EXOC4: variants seen among roughly 807,000 people sequenced by gnomAD.
The protein encoded by EXOC4 is exocyst complex component 4.
A neutral mutation model predicts 107.2 loss-of-function variants in EXOC4; 71 were observed. The observed-to-expected ratio is 0.66, with a 90% CI of 0.55 to 0.81. EXOC4 has a LOEUF of 0.81. Ranked by LOEUF, EXOC4 falls within the 30% of genes least tolerant of loss-of-function variation. EXOC4 has a pLI of 0.00. For synonymous variants in EXOC4, 456 were observed against 441.2 expected, an observed-to-expected ratio of 1.03 and a Z score of -0.42; for missense variants, 1,108 against 1,189.6, an observed-to-expected ratio of 0.93 and a Z score of 1.01.
chr7:133,454,935 C>CA (rs1185122136), intron 7 of EXOC4, among the ~76,000 whole-genome samples: 1 of 151,918 alleles, frequency 6.6e-6, no homozygotes, highest in Non-Finnish European at 1.5e-5. Flanking sequence ...CCTATCTCTA[C>CA]AAAAAATATA....
chr7:133,499,179 A>G (rs555802525), intron 9 of EXOC4, among the ~76,000 whole-genome samples: 6 of 151,242 alleles, frequency 4.0e-5, no homozygotes, highest in Admixed American at 2.0e-4. Flanking sequence ...CATACTTACA[A>G]TTATTCAGTT....
chr7:133,401,984 A>G (rs1370016668), intron 7 of EXOC4, among the ~76,000 whole-genome samples: 1 of 152,172 alleles, frequency 6.6e-6, no homozygotes, highest in Non-Finnish European at 1.5e-5. Context: ...GTGGGCAGAA[A>G]ATTAGCTAAT....
intron 10 of EXOC4, among the ~76,000 whole-genome samples, chr7:133,769,984 A>C (rs1370498418): frequency 1.3e-5 from 2 of 151,846 alleles, no homozygotes; most frequent in Non-Finnish European, 2.9e-5. Context: ...AAACATCATG[A>C]AAGTAATCAA....
intron 14 of EXOC4, among the ~76,000 whole-genome samples, chr7:133,952,130 C>T (rs1029260493): frequency 2.7e-5 from 4 of 150,664 alleles, no homozygotes; most frequent in Non-Finnish European, 5.9e-5. Context: ...CACTCCAGCC[C>T]GAGCTGACAA....
chr7:133,255,835 G>T (rs370970056), intron 1 of EXOC4, among the ~76,000 whole-genome samples: 1 of 152,204 alleles, frequency 6.6e-6, no homozygotes. Context: ...ATGGGGAATG[G>T]GGGGAGAGTC....
chr7:133,434,260 G>A (rs1166310454), intron 7 of EXOC4, among the ~76,000 whole-genome samples: 6 of 151,998 alleles, frequency 3.9e-5, no homozygotes, highest in Admixed American at 1.3e-4. Flanking sequence ...GTTACCCTCA[G>A]CACTACTTTT....
intron 11 of EXOC4, among the ~76,000 whole-genome samples, chr7:133,875,095 C>G (rs897282980): frequency 2.0e-5 from 3 of 152,144 alleles, no homozygotes; most frequent in African/African-American, 7.2e-5. Context: ...CATTTCAGAC[C>G]ACCTCTGGTG....
At chr7:133,744,275 A>G (rs537903629) in intron 10 of EXOC4, among the ~76,000 whole-genome samples, 5 of 152,120 alleles carry the variant, frequency 3.3e-5, no homozygotes, top group Non-Finnish European at 7.4e-5. Flanking sequence ...CAGGAAATAT[A>G]GCAAACTCTT....
chr7:133,488,127 T>G (rs1038348110), intron 9 of EXOC4, among the ~76,000 whole-genome samples: 1 of 152,122 alleles, frequency 6.6e-6, no homozygotes, highest in Non-Finnish European at 1.5e-5. Context: ...GTTTGGATCC[T>G]TTTAGGAATA....
chr7:133,254,791 G>A (rs1017321005), intron 1 of EXOC4, among the ~76,000 whole-genome samples: 2 of 152,112 alleles, frequency 1.3e-5, no homozygotes, highest in African/African-American at 4.8e-5. Context: ...AATCCAGGAG[G>A]AGTGGCTGTT....
intron 10 of EXOC4, among the ~76,000 whole-genome samples, chr7:133,631,978 A>G (rs1254580636): frequency 6.6e-6 from 1 of 152,150 alleles, no homozygotes; most frequent in Non-Finnish European, 1.5e-5. Context: ...TTTAGAAACT[A>G]TTAACCGTGT....
chr7:133,728,247 T>C (rs762018630), intron 10 of EXOC4, among the ~76,000 whole-genome samples: 1 of 152,238 alleles, frequency 6.6e-6, no homozygotes, highest in African/African-American at 2.4e-5. Flanking sequence ...CTTAAAGGCT[T>C]TGTGAAACTT....
At chr7:133,627,093 A>G (rs569514088) in intron 9 of EXOC4, among the ~76,000 whole-genome samples, 1 of 152,352 alleles carries the variant, frequency 6.6e-6, no homozygotes, top group South Asian at 2.1e-4. Flanking sequence ...AAAAAGTGAC[A>G]TAAGGAAGAA....
At chr7:133,827,546 AT>A (rs1490261583) in intron 11 of EXOC4, among the ~76,000 whole-genome samples, 1 of 152,140 alleles carries the variant, frequency 6.6e-6, no homozygotes, top group African/African-American at 2.4e-5. Context: ...GATAAACATT[AT>A]TTTCATTTGT....
At position 133,880,980 on chromosome 7, in the gene EXOC4, C is replaced by T. The variant is rs958913695; in HGVS notation, c.1735-14619C>T. Reference sequence around the variant, plus strand: ...GCCTGTTTGTAAATTCTGCCTAACTCTTTAGCCTGACAAACAGAGCTTCAG... The same window carrying T: ...GCCTGTTTGTAAATTCTGCCTAACTTTTTAGCCTGACAAACAGAGCTTCAG... On this transcript the variant is annotated intron_variant, in intron 11 of 17. Coordinates refer to ENST00000253861, the MANE Select transcript of EXOC4 (RefSeq NM_021807.4). Among the ~76,000 whole-genome samples the T allele has an allele frequency of 6.6e-5, 10 of 152,132 alleles. No homozygotes were observed. The East Asian group carries it at 1.9e-3, about 29-fold the overall frequency.
At chr7:133,823,875 TA>T (rs1194782193) in intron 11 of EXOC4, among the ~76,000 whole-genome samples, 16 of 12,650 alleles carry the variant, frequency 1.3e-3, no homozygotes, top group African/African-American at 5.9e-3. Context: ...ATATATATTA[TA>T]TATATATATA....
intron 5 of EXOC4, among the ~76,000 whole-genome samples, chr7:133,339,900 T>C (rs1462678264): frequency 6.6e-6 from 1 of 152,196 alleles, no homozygotes; most frequent in Non-Finnish European, 1.5e-5. Flanking sequence ...ATATAGGAGC[T>C]TTTTGGATGA....
At chr7:133,601,949 G>T (rs1484080625) in intron 9 of EXOC4, 1 of 152,230 alleles carries the variant, frequency 6.6e-6, no homozygotes, top group Non-Finnish European at 1.5e-5. Context: ...CATCTCTGGG[G>T]CATGGAGGCA....
At chr7:134,078,402 C>A in the EXOC4 span, among the ~76,000 whole-genome samples, 1 of 151,812 alleles carries the variant, frequency 6.6e-6, no homozygotes, top group Non-Finnish European at 1.5e-5. Context: ...CTTAAAACCC[C>A]CTACAAGTTG....
Sources: allele counts gnomAD v4.1 joint callset (sites outside exome capture counted in the v4.1 genomes callset), GRCh38; gene constraint gnomAD v4.1.1; transcripts MANE v1.5; gene names NCBI Gene and HGNC (gene_info 2026-07-23, HGNC 2026-07-21).